ENTPD5: variants seen among roughly 807,000 people sequenced by gnomAD.
ENTPD5 encodes ectonucleoside triphosphate diphosphohydrolase 5 (inactive), also known as nucleoside diphosphate phosphatase ENTPD5.
ENTPD5 carries 49 observed loss-of-function variants against 60.2 expected under a neutral mutation model. The ratio of observed to expected loss-of-function variants is 0.81; its 90% CI spans 0.65 to 1.03. The LOEUF is 1.03. Among genes scored for constraint, ENTPD5 ranks in the 50% least tolerant of loss-of-function variants. ENTPD5 has a pLI of 0.00. For synonymous variants in ENTPD5, 187 were observed against 185.4 expected (o/e 1.01, Z -0.07); for missense variants, 480 against 507.6 (o/e 0.95, Z 0.52).
At chr14:73,971,765 G>T in intron 14 of ENTPD5, 87 bp downstream of exon 14, 2 of 854,884 alleles carry the variant, frequency 2.3e-6, no homozygotes, top group South Asian at 2.8e-5. Context: ...CTTCTGAGCT[G>T]ACTGAGGTGC....
intron 3 of ENTPD5, among the ~76,000 whole-genome samples, chr14:74,009,714 A>G (rs2058785996): frequency 6.6e-6 from 1 of 152,270 alleles, no homozygotes; most frequent in East Asian, 1.9e-4. Flanking sequence ...AACTCCTGCA[A>G]TCCTCCTGCC....
chr14:73,972,842 T>TA, intron 13 of ENTPD5, 42 bp downstream of exon 13: 1 of 1,608,754 alleles, frequency 6.2e-7, no homozygotes, highest in Non-Finnish European at 8.5e-7. Context: ...ACCACAGCCC[T>TA]ATCCACCTTC....
chr14:74,004,466 C>T (rs1719017467), intron 3 of ENTPD5, among the ~76,000 whole-genome samples: 1 of 152,122 alleles, frequency 6.6e-6, no homozygotes, highest in Admixed American at 6.6e-5. Context: ...CCCGGCCTAT[C>T]TCATTATTTC....
downstream of ENTPD5, chr14:73,959,272 C>G (rs2140403052): frequency 6.2e-7 from 1 of 1,614,218 alleles, no homozygotes; most frequent in Non-Finnish European, 8.5e-7. Flanking sequence ...CAAGCCTTTC[C>G]TCTTCACTTT....
In ENTPD5 at chr14:73,994,109, TTG is replaced by T. The variant is rs544097339; in HGVS notation, c.-70-5939_-70-5938del. 3.7e-4 allele frequency among the ~76,000 whole-genome samples: 57 copies of T among 152,112 alleles called. 1 individual carries two copies. Among genetic ancestry groups the T allele is most frequent in the African/African-American group, 1.4e-3 (57 of 41,494 alleles). On this transcript the variant is annotated intron_variant, in intron 3 of 15. Coordinates refer to ENST00000334696, the MANE Select transcript of ENTPD5 (RefSeq NM_001249.5). Reference sequence around the variant, plus strand: ...AGTTATTTTAAAATGGCATTAGGCATTGTCTTATTTTTTTAAACTTTATTTAT... The same window carrying T: ...AGTTATTTTAAAATGGCATTAGGCATTCTTATTTTTTTAAACTTTATTTAT...
rs770684389 is a variant in ENTPD5, at chr14:73,977,063, A to G, written c.518-4T>C. The G allele has an allele frequency of 2.5e-6, 4 of 1,613,162 alleles. No individual in the cohort carries two copies. The East Asian group carries it at 8.9e-5, about 36-fold the overall frequency. On this transcript the variant is annotated splice_polypyrimidine_tract_variant and splice_region_variant and intron_variant, in intron 7 of 15. Coordinates refer to ENST00000334696, the MANE Select transcript of ENTPD5 (RefSeq NM_001249.5). ...ACAGTAACCCAAGCTAATATGCCTA[A>G]AAAGAAAGAAAGACAAGGATTAGAT...
intron 4 of ENTPD5, 29 bp downstream of exon 4, chr14:73,987,857 A>C: frequency 6.8e-6 from 11 of 1,607,310 alleles, no homozygotes; most frequent in Non-Finnish European, 9.4e-6. Flanking sequence ...GGATTTACAG[A>C]CTCTACTAAG....
chr14:74,017,833 G>C (rs894908855), intron 1 of ENTPD5, among the ~76,000 whole-genome samples: 1 of 151,004 alleles, frequency 6.6e-6, no homozygotes, highest in Non-Finnish European at 1.5e-5. Context: ...GTGGTGAGCC[G>C]AGATTGCGCC....
intron 5 of ENTPD5, among the ~76,000 whole-genome samples, chr14:73,986,017 A>G (rs1348793822): frequency 1.3e-5 from 2 of 151,282 alleles, no homozygotes; most frequent in Non-Finnish European, 2.9e-5. Flanking sequence ...GGTTGTAGTA[A>G]GCCGAGATCA....
chr14:73,999,171 G>GT (rs2058427971), intron 3 of ENTPD5, among the ~76,000 whole-genome samples: 7 of 152,196 alleles, frequency 4.6e-5, no homozygotes, highest in Admixed American at 2.0e-4. Flanking sequence ...AAAAATAACC[G>GT]TAACTTTTTA....
rs201751093 is a variant in ENTPD5 at position 73,977,387 on chromosome 14, G to GAAA, written c.442-16_442-14dup. 2.9e-4 allele frequency: 337 copies of GAAA among 1,152,184 alleles called. No individual in the cohort carries two copies. Among genetic ancestry groups the GAAA allele is most frequent in the Non-Finnish European group, 3.6e-4 (294 of 822,474 alleles). 71.4% of individuals were successfully genotyped at this position (1,152,184 alleles called of 1,614,324 possible). On this transcript the variant is annotated splice_polypyrimidine_tract_variant and intron_variant, in intron 6 of 15. Coordinates refer to ENST00000334696, the MANE Select transcript of ENTPD5 (RefSeq NM_001249.5). The stretch of plus-strand genomic sequence containing the variant: ...AGATCTCCTTTACCTAGAGAAAAAG[G>GAAA]AAAAAAAAAAAAAAAGAATTCCCTA...
chr14:73,977,259 G>GC (rs770858911), intron 7 of ENTPD5, 40 bp downstream of exon 7: 1 of 1,499,544 alleles, frequency 6.7e-7, no homozygotes, highest in Non-Finnish European at 9.2e-7. Context: ...CACTGATCCT[G>GC]CCCCTCTCCC....
chr14:74,007,282 G>A (rs2058707672), intron 3 of ENTPD5, among the ~76,000 whole-genome samples: 1 of 152,166 alleles, frequency 6.6e-6, no homozygotes, highest in Non-Finnish European at 1.5e-5. Flanking sequence ...AGCACTTTGG[G>A]AGGTCAAGGA....
intron 3 of ENTPD5, among the ~76,000 whole-genome samples, chr14:74,010,233 G>A (rs1594957506): frequency 6.6e-6 from 1 of 152,162 alleles, no homozygotes; most frequent in South Asian, 2.1e-4. Flanking sequence ...CACTGCACCT[G>A]GCTCCACTAT....
chr14:73,955,626 G>C (rs2302118), downstream of ENTPD5: 253,817 of 1,345,278 alleles, frequency 0.19, 26,172 homozygotes, highest in East Asian at 0.34. Flanking sequence ...TTCACATTCA[G>C]TCCGAGGAAG....
At chr14:74,006,680 A>C (rs1304254097) in intron 3 of ENTPD5, among the ~76,000 whole-genome samples, 1 of 150,788 alleles carries the variant, frequency 6.6e-6, no homozygotes, top group Non-Finnish European at 1.5e-5. Flanking sequence ...TCACCTCCTG[A>C]GCTCAAATGA....
At chr14:73,991,463 T>C (rs904941634) in intron 3 of ENTPD5, among the ~76,000 whole-genome samples, 2 of 151,598 alleles carry the variant, frequency 1.3e-5, no homozygotes, top group East Asian at 1.9e-4. Flanking sequence ...TGGTGCATGC[T>C]TGTAATCCCA....
chr14:73,977,118 C>A, intron 7 of ENTPD5, 59 bp from the exon 8 acceptor site: 1 of 1,518,958 alleles, frequency 6.6e-7, no homozygotes, highest in African/African-American at 1.4e-5. Flanking sequence ...TTCCTGGCCC[C>A]AACCTTGTTT....
intron 10 of ENTPD5, among the ~76,000 whole-genome samples, chr14:73,975,518 C>T (rs2057403737): frequency 6.6e-6 from 1 of 151,644 alleles, no homozygotes; most frequent in Non-Finnish European, 1.5e-5. Flanking sequence ...GATTCTCCTG[C>T]CTCAGCCTCC....
Sources: gnomAD v4.1 joint callset for allele counts (sites outside exome capture counted in the v4.1 genomes callset) on GRCh38, gnomAD v4.1.1 for gene constraint, MANE v1.5 for transcripts, NCBI Gene and HGNC (gene_info 2026-07-23, HGNC 2026-07-21) for gene names.